KLHL29: variants seen among roughly 807,000 people sequenced by gnomAD.
KLHL29 encodes kelch-like protein 29.
KLHL29 carries 21 observed loss-of-function variants against 80.4 expected under a neutral mutation model. The observed-to-expected ratio is 0.26, with a 90% confidence interval of 0.19 to 0.38. The LOEUF (loss-of-function observed/expected upper bound fraction) is 0.38, where lower values mean the gene tolerates loss of function less well. KLHL29 is among the 10% of genes least tolerant of loss of function. KLHL29 has a pLI of 1.00. For synonymous variants in KLHL29, 511 were observed against 526.8 expected, an observed-to-expected ratio of 0.97 and a Z score of 0.41; for missense variants, 867 against 1,223.9, an observed-to-expected ratio of 0.71 and a Z score of 4.35.
At chr2:23,482,519 G>A (rs13011734) in intron 2 of KLHL29, among the ~76,000 whole-genome samples, 50,866 of 152,066 alleles carry the variant, frequency 0.33, 9,715 homozygotes, top group Admixed American at 0.47. Flanking sequence ...TTGCACAAAA[G>A]CATCCATCGG....
chr2:23,591,086 G>A (rs941382315), intron 3 of KLHL29, among the ~76,000 whole-genome samples: 9 of 152,176 alleles, frequency 5.9e-5, no homozygotes, highest in Admixed American at 5.9e-4. Flanking sequence ...CCGGAAGGTG[G>A]GGAGCGCTGC....
chr2:23,606,579 A>G (rs1016464369), intron 3 of KLHL29, among the ~76,000 whole-genome samples: 2 of 152,236 alleles, frequency 1.3e-5, no homozygotes, highest in African/African-American at 4.8e-5. Flanking sequence ...TTGTCTTATA[A>G]ACGCAATTAG....
At chr2:23,563,439 G>T (rs1423874387) in intron 3 of KLHL29, among the ~76,000 whole-genome samples, 1 of 152,234 alleles carries the variant, frequency 6.6e-6, no homozygotes, top group Non-Finnish European at 1.5e-5. Flanking sequence ...TGCCTCCCAG[G>T]AGCCCCCTTG....
At chr2:23,400,862 C>T (rs1239872717) in intron 1 of KLHL29, among the ~76,000 whole-genome samples, 1 of 152,180 alleles carries the variant, frequency 6.6e-6, no homozygotes, top group Non-Finnish European at 1.5e-5. Flanking sequence ...GAAAGCTACA[C>T]CTTTGTTGCA....
At chr2:23,601,021 G>A (rs1165990251) in intron 3 of KLHL29, among the ~76,000 whole-genome samples, 2 of 152,158 alleles carry the variant, frequency 1.3e-5, no homozygotes, top group Admixed American at 1.3e-4. Context: ...TGCCATTCCC[G>A]TTTTATAGAG....
intron 2 of KLHL29, among the ~76,000 whole-genome samples, chr2:23,482,073 C>A (rs1390423450): frequency 8.0e-4 from 122 of 152,240 alleles, no homozygotes; most frequent in African/African-American, 2.8e-3. Flanking sequence ...GCCCTCAGTC[C>A]CATGCTAAAC....
chr2:23,693,485 C>T lies in KLHL29; in HGVS notation c.1499C>T (p.Thr500Ile). 1.3e-6 allele frequency: 2 copies of T among 1,551,678 alleles called. No individual in the cohort carries two copies. Among genetic ancestry groups the T allele is most frequent in the Non-Finnish European group, 1.7e-6 (2 of 1,146,944 alleles). ...AAGGCTGAGGAGCTGGTGTACGAGA[C>T]AGTCATCAAGTGGATCAAGAAGGAC... ...NTKAEELVYE[T>I]VIKWIKKDPA... The change falls in exon 8 of 14, where the codon ACA becomes ATA. Residue 500 changes from threonine to isoleucine, a missense_variant. By Grantham distance (89) the Thr-to-Ile change is moderately conservative. Around this residue, in one of 2 missense-constraint regions of KLHL29, gnomAD observed 443 missense variants for 767.0 expected, o/e 0.58. Coordinates refer to ENST00000486442, the MANE Select transcript of KLHL29 (RefSeq NM_052920.2).
At chr2:23,531,965 G>A (rs1407470250) in intron 2 of KLHL29, among the ~76,000 whole-genome samples, 1 of 152,174 alleles carries the variant, frequency 6.6e-6, no homozygotes, top group Non-Finnish European at 1.5e-5. Context: ...CGACTCCCAA[G>A]TGCCACCTCA....
At chr2:23,539,518 T>C (rs895732815) in intron 2 of KLHL29, among the ~76,000 whole-genome samples, 10 of 146,958 alleles carry the variant, frequency 6.8e-5, no homozygotes, top group African/African-American at 2.3e-4. Context: ...CTTGGCTCAC[T>C]GTAACCTCCG....
chr2:23,645,971 T>C (rs981056304), intron 5 of KLHL29, among the ~76,000 whole-genome samples: 2 of 152,238 alleles, frequency 1.3e-5, no homozygotes, highest in African/African-American at 4.8e-5. Context: ...TGAGCACATA[T>C]AGATTTTCTT....
At chr2:23,670,657 C>G (rs1210967386) in intron 5 of KLHL29, among the ~76,000 whole-genome samples, 1 of 152,150 alleles carries the variant, frequency 6.6e-6, no homozygotes. Flanking sequence ...TAATATTCCT[C>G]TAATGATGTG....
At chr2:23,450,783 A>G (rs1001542779) in intron 1 of KLHL29, among the ~76,000 whole-genome samples, 4 of 152,222 alleles carry the variant, frequency 2.6e-5, no homozygotes, top group Non-Finnish European at 1.5e-5. Flanking sequence ...CATTTAAGGT[A>G]TACAATTCAG....
intron 2 of KLHL29, chr2:23,532,724 G>A (rs893980412): frequency 9.5e-5 from 43 of 450,642 alleles, no homozygotes; most frequent in Admixed American, 3.5e-4. Context: ...GGGAGGAGGT[G>A]TGTTCCCAGC....
At chr2:23,416,900 G>A (rs1463558552) in intron 1 of KLHL29, among the ~76,000 whole-genome samples, 1 of 152,120 alleles carries the variant, frequency 6.6e-6, no homozygotes, top group Non-Finnish European at 1.5e-5. Context: ...CATAACACCA[G>A]CTCACTAAGG....
At chr2:23,652,012 G>A (rs562316249) in intron 5 of KLHL29, among the ~76,000 whole-genome samples, 1 of 152,282 alleles carries the variant, frequency 6.6e-6, no homozygotes, top group East Asian at 1.9e-4. Flanking sequence ...TTTGGGGTAG[G>A]AGGGGACACA....
At position 23,680,446 on chromosome 2, in the gene KLHL29, A is replaced by G. The variant is rs1405312448; in HGVS notation, c.941-3953A>G. Among the ~76,000 whole-genome samples, 1 of 152,194 alleles carries G rather than the reference A, an allele frequency of 6.6e-6. No homozygotes were observed. The highest frequency in any genetic ancestry group is 1.5e-5 in the Non-Finnish European group (1 of 68,032). On this transcript the variant is annotated intron_variant, in intron 5 of 13. Transcript: ENST00000486442. This position sits in a 1 kb window ranked among gnomAD's most constrained non-coding sequence, Gnocchi z 4.1. ...TTCCGTGAGCAAGGCCAGGGTGTGCAGTCCCACAGACGTAGGCGGGCATCC... is the reference window on the plus strand; with the variant it reads ...TTCCGTGAGCAAGGCCAGGGTGTGCGGTCCCACAGACGTAGGCGGGCATCC...
intron 5 of KLHL29, among the ~76,000 whole-genome samples, chr2:23,660,798 G>A (rs1009494135): frequency 6.6e-6 from 1 of 152,158 alleles, no homozygotes; most frequent in Non-Finnish European, 1.5e-5. Flanking sequence ...GGCCAAGGTG[G>A]GTGGATCACC....
chr2:23,506,696 G>A (rs1665608665), intron 2 of KLHL29, among the ~76,000 whole-genome samples: 1 of 152,212 alleles, frequency 6.6e-6, no homozygotes, highest in African/African-American at 2.4e-5. Context: ...ATTACATCAT[G>A]GGACCATGTG....
At chr2:23,507,839 G>A (rs1665648382) in intron 2 of KLHL29, among the ~76,000 whole-genome samples, 1 of 152,162 alleles carries the variant, frequency 6.6e-6, no homozygotes, top group African/African-American at 2.4e-5. Flanking sequence ...TGGGCTAAAA[G>A]GTCGCTAAGA....
Sources: allele counts gnomAD v4.1 joint callset (sites outside exome capture counted in the v4.1 genomes callset), GRCh38; gene constraint gnomAD v4.1.1; regional missense constraint gnomAD v4.1.1; non-coding constraint Gnocchi (gnomAD v3.1); transcripts MANE v1.5; gene names NCBI Gene and HGNC (gene_info 2026-07-23, HGNC 2026-07-21).